The following CLCN2 variants were observed in gnomAD, a reference collection of about 807,000 sequenced individuals.
The protein encoded by CLCN2 is chloride channel protein 2.
CLCN2 carries 72 observed loss-of-function variants against 108.3 expected under a neutral mutation model. The ratio of observed to expected loss-of-function variants is 0.66; its 90% CI spans 0.55 to 0.81. The LOEUF (loss-of-function observed/expected upper bound fraction) is 0.81, where lower values mean the gene tolerates loss of function less well. Ranked by LOEUF, CLCN2 falls within the 30% of genes least tolerant of loss-of-function variation. The pLI is 0.00. For synonymous variants in CLCN2, 471 were observed against 467.1 expected (o/e 1.01, Z -0.11); for missense variants, 1,048 against 1,205.2 (o/e 0.87, Z 1.93).
chr3:184,349,094 A>G (rs1475529800), intron 22 of CLCN2: 1 of 152,198 alleles, frequency 6.6e-6, no homozygotes, highest in African/African-American at 2.4e-5. Context: ...TCCAGCCTGC[A>G]GCTTCACATA....
In CLCN2 at chr3:184,355,842, G is replaced by A. The variant is rs1386622797; in HGVS notation, c.1086-64C>T. 1 of 1,311,044 alleles carries A rather than the reference G, an allele frequency of 7.6e-7. No homozygotes were observed. The highest frequency in any genetic ancestry group is 1.1e-6 in the Non-Finnish European group (1 of 911,942). The allele number at this position is 1,311,044 out of a possible 1,614,324, so 81.2% of individuals were successfully genotyped here. On this transcript the variant is annotated intron_variant, in intron 10 of 23. Transcript: ENST00000265593. The surrounding 1 kb of genome is among the most constrained non-coding windows in gnomAD (Gnocchi z 6.3). ...GGGCTGGGTGGCCTCGCATATCTCA[G>A]GGCTGAGGTCAGAGCAGAGCCTTGG...
chr3:184,352,018 G>A lies in CLCN2; in HGVS notation c.2410C>T (p.His804Tyr), dbSNP rs898521866. The A allele has an allele frequency of 6.2e-7, 1 of 1,612,734 alleles. No homozygotes were observed. Among genetic ancestry groups the A allele is most frequent in the Non-Finnish European group, 8.5e-7 (1 of 1,179,220 alleles). The change falls in exon 22 of 24, where the codon CAC (histidine) becomes TAC (tyrosine). Residue 804 changes from histidine (H) to tyrosine (Y), a missense_variant. Transcript: ENST00000265593. Reference sequence around the variant, plus strand: ...GGCCAGGCTGCTGGCCCTACCTTGTGCAAAGAGGTCCGCTCCACCAGCTGG... The same window carrying A: ...GGCCAGGCTGCTGGCCCTACCTTGTACAAAGAGGTCCGCTCCACCAGCTGG... ...PFQLVERTSL[H>Y]KTHTIFSLLG... is the part of the protein sequence containing the mutation.
intron 16 of CLCN2, 111 bp downstream of exon 16, chr3:184,353,551 G>C: frequency 1.3e-6 from 2 of 1,558,652 alleles, no homozygotes; most frequent in Non-Finnish European, 1.7e-6. Context: ...CCTGGCAAGT[G>C]CTGGTCCATT....
At chr3:184,353,836 G>A (rs1395589473) in intron 15 of CLCN2, 41 bp from the exon 16 acceptor site, 1 of 1,594,422 alleles carries the variant, frequency 6.3e-7, no homozygotes, top group Non-Finnish European at 8.5e-7. Flanking sequence ...GTCAGCATGG[G>A]GAGAGGTGCC....
intron 22 of CLCN2, among the ~76,000 whole-genome samples, chr3:184,350,313 C>G (rs1039770480): frequency 6.6e-6 from 1 of 152,168 alleles, no homozygotes; most frequent in African/African-American, 2.4e-5. Context: ...GGGCCTGACT[C>G]TGCTGTGCTG....
intron 1 of CLCN2, among the ~76,000 whole-genome samples, chr3:184,359,900 G>A (rs1330301769): frequency 6.6e-6 from 1 of 151,764 alleles, no homozygotes; most frequent in African/African-American, 2.4e-5. Flanking sequence ...TGCCAAGCTG[G>A]GCGTGTGTTG....
At chr3:184,360,250 G>C (rs1711857657) in intron 1 of CLCN2, among the ~76,000 whole-genome samples, 1 of 152,052 alleles carries the variant, frequency 6.6e-6, no homozygotes, top group African/African-American at 2.4e-5. Flanking sequence ...ATGGTGAAGG[G>C]GGGCGGGAGC....
At chr3:184,358,121 G>A in intron 4 of CLCN2, 26 bp from the exon 5 acceptor site, 2 of 1,614,072 alleles carry the variant, frequency 1.2e-6, no homozygotes, top group Non-Finnish European at 1.7e-6. Context: ...TCTCAGGAGA[G>A]GCATTCGATG....
Position 184,354,104 on chromosome 3 carries a change from TGGC to T in CLCN2, c.1715_1717del (p.Arg572del), listed in dbSNP as rs748454023. On this transcript the variant is annotated inframe_deletion, in exon 15 of 24. Transcript: ENST00000265593. ...CTTGGCACCCAGCCCTCCGTACTGG[TGGC>T]GGCCCCAGCCGAGCTCAGGCAGGTA... The T allele has an allele frequency of 1.1e-5, 17 of 1,611,274 alleles. No homozygotes were observed. The Admixed American group carries it at 2.3e-4, about 22-fold the overall frequency.
intron 1 of CLCN2, among the ~76,000 whole-genome samples, chr3:184,360,358 G>C (rs1191579831): frequency 2.6e-5 from 4 of 151,994 alleles, no homozygotes; most frequent in Non-Finnish European, 5.9e-5. Context: ...CTGGTGTTAA[G>C]AGGCACCATT....
rs763506214 is a variant in CLCN2, at chr3:184,353,212, A to G, written c.2028+38T>C. On this transcript the variant is annotated intron_variant, in intron 17 of 23. Transcript: ENST00000265593. ...GACCACCCTCCCAATCAGTCTACACAATGACATTTAGGAAGCGTTTGTGGC... is the reference window on the plus strand; with the variant it reads ...GACCACCCTCCCAATCAGTCTACACGATGACATTTAGGAAGCGTTTGTGGC... The G allele has an allele frequency of 2.5e-6, 4 of 1,613,420 alleles. No homozygotes were observed. The South Asian group carries it at 4.4e-5, about 18-fold the overall frequency.
chr3:184,356,980 G>A lies in CLCN2; in HGVS notation c.1085+13C>T, dbSNP rs770956271. 10 of 1,598,478 alleles carry A rather than the reference G, an allele frequency of 6.3e-6. No homozygotes were observed. Among genetic ancestry groups the A allele is most frequent in the African/African-American group, 5.4e-5 (4 of 74,526 alleles). On this transcript the variant is annotated intron_variant, in intron 10 of 23. Transcript: ENST00000265593. ...ACTCAAAGCAGCCTGGAGAGGAGCC[G>A]AGAGCCACTCACTTCCTCATGAGGA...
chr3:184,347,904 A>G (rs567616480), intron 22 of CLCN2: 11 of 152,118 alleles, frequency 7.2e-5, no homozygotes, highest in African/African-American at 2.7e-4. Context: ...CTTTAAGTAG[A>G]TTTTCTTGGG....
At chr3:184,356,972 G>A (rs781046955) in intron 10 of CLCN2, 21 bp downstream of exon 10, 1 of 1,576,182 alleles carries the variant, frequency 6.3e-7, no homozygotes, top group East Asian at 2.2e-5. Flanking sequence ...GCAGCCTGGA[G>A]AGGAGCCGAG....
chr3:184,356,969 GGA>G, intron 10 of CLCN2, 22 bp downstream of exon 10: 1 of 1,563,400 alleles, frequency 6.4e-7, no homozygotes, highest in South Asian at 1.1e-5. Context: ...AAAGCAGCCT[GGA>G]GAGGAGCCGA....
At chr3:184,358,615 T>TCTA (rs1711581933) in intron 3 of CLCN2, 67 bp downstream of exon 3, 1 of 1,541,268 alleles carries the variant, frequency 6.5e-7, no homozygotes, top group Admixed American at 2.0e-5. Flanking sequence ...CCTCCATGTC[T>TCTA]AGACGAGTGT....
Position 184,347,118 on chromosome 3 carries a change from G to A in CLCN2, c.2416-97C>T, listed in dbSNP as rs1727736001. On this transcript the variant is annotated intron_variant, in intron 22 of 23. Transcript: ENST00000265593. ...CCAGGACAAGGTTGGTGTGGAATAG[G>A]AGGGGTGCCCCAGATTGGGAGGGAA... is the stretch of plus-strand genomic sequence containing the variant. The A allele has an allele frequency of 1.8e-5, 18 of 992,128 alleles. No individual in the cohort carries two copies. In the South Asian group the frequency reaches 1.9e-4, roughly 11 times the overall value. 61.5% of individuals were successfully genotyped at this position (992,128 alleles called of 1,614,324 possible). A position where few individuals can be genotyped will look rare whatever the true frequency, so the allele number is the denominator to read the frequency against.
At chr3:184,353,599 C>T in intron 16 of CLCN2, 63 bp downstream of exon 16, 1 of 1,603,332 alleles carries the variant, frequency 6.2e-7, no homozygotes. Context: ...GAGCTCCCTG[C>T]CCCTTCCCGA....
In CLCN2 at chr3:184,355,620, C is replaced by CT; in HGVS notation, c.1170+73_1170+74insA. 1.2e-6 allele frequency: 2 copies of CT among 1,603,000 alleles called. No homozygotes were observed. Among genetic ancestry groups the CT allele is most frequent in the Non-Finnish European group, 1.7e-6 (2 of 1,170,006 alleles). The stretch of plus-strand genomic sequence containing the variant: ...CACGGGGAACAAGGGGTCCCACAGT[C>CT]ACACTGGGGCTGTTGGCTTTGGAGG... On this transcript the variant is annotated intron_variant, in intron 11 of 23. Transcript: ENST00000265593. The surrounding 1 kb of genome is among the most constrained non-coding windows in gnomAD (Gnocchi z 6.3).
Sources: gnomAD v4.1 joint callset for allele counts (sites outside exome capture counted in the v4.1 genomes callset) on GRCh38, gnomAD v4.1.1 for gene constraint, Gnocchi (gnomAD v3.1) non-coding constraint, MANE v1.5 for transcripts, NCBI Gene and HGNC (gene_info 2026-07-23, HGNC 2026-07-21) for gene names.